The following LRP1B variants were observed in gnomAD, a reference collection of about 807,000 sequenced individuals.
The protein encoded by LRP1B is LDL receptor related protein 1B.
LRP1B carries 217 observed loss-of-function variants against 556.6 expected under a neutral mutation model. That is an observed-to-expected ratio of 0.39 (90% CI 0.35 to 0.44). LRP1B has a LOEUF of 0.44. Among genes scored for constraint, LRP1B ranks in the 20% least tolerant of loss-of-function variants. The pLI, the probability that LRP1B is intolerant of heterozygous loss-of-function variation, is 1.00. For missense variants in LRP1B, 5,053 were observed against 5,620.8 expected (o/e 0.90, Z 3.23); for synonymous variants, 2,047 against 1,865.8 (o/e 1.10, Z -2.50).
In LRP1B at chr2:141,875,591, A is replaced by T. The variant is rs551673032; in HGVS notation, c.83-65190T>A. ...TTCATTACATTAATAATAGTTTGAC[A>T]ATTATTCAATTTCATAAAGTTTAGA... On this transcript the variant is annotated intron_variant, in intron 1 of 90. Coordinates refer to ENST00000389484, the MANE Select transcript of LRP1B (RefSeq NM_018557.3). Among the ~76,000 whole-genome samples, 14 of 152,108 alleles carry T rather than the reference A, an allele frequency of 9.2e-5. No homozygotes were observed. In the South Asian group the frequency reaches 2.9e-3, roughly 31 times the overall value.
chr2:141,183,554 C>T (rs970445176), intron 7 of LRP1B, among the ~76,000 whole-genome samples: 5 of 151,986 alleles, frequency 3.3e-5, no homozygotes, highest in Non-Finnish European at 7.4e-5. Context: ...TGCTCTTGTA[C>T]AGAACAAAGA....
At chr2:141,972,488 G>T (rs1368579448) in intron 1 of LRP1B, among the ~76,000 whole-genome samples, 1 of 151,038 alleles carries the variant, frequency 6.6e-6, no homozygotes, top group African/African-American at 2.4e-5. Context: ...AATTCCACAT[G>T]AAATGAAGGA....
intron 2 of LRP1B, among the ~76,000 whole-genome samples, chr2:141,696,201 C>G (rs1691729406): frequency 6.6e-6 from 1 of 151,790 alleles, no homozygotes; most frequent in Non-Finnish European, 1.5e-5. Context: ...TAAATTGCTA[C>G]TAAAAGTAGG....
At chr2:142,009,079 A>C (rs1368287660) in intron 1 of LRP1B, among the ~76,000 whole-genome samples, 2 of 152,186 alleles carry the variant, frequency 1.3e-5, no homozygotes, top group African/African-American at 2.4e-5. Flanking sequence ...AACTCCAAAA[A>C]GCACACATTC....
chr2:141,846,160 C>A (rs1697636874), intron 1 of LRP1B, among the ~76,000 whole-genome samples: 1 of 150,282 alleles, frequency 6.7e-6, no homozygotes. Context: ...TTTCTGCAAA[C>A]AAGGAAAAAA....
At chr2:140,969,595 G>A (rs1558771617) in intron 18 of LRP1B, among the ~76,000 whole-genome samples, 1 of 152,192 alleles carries the variant, frequency 6.6e-6, no homozygotes, top group Non-Finnish European at 1.5e-5. Flanking sequence ...TTGCTCGTCA[G>A]TTGATGCAGT....
chr2:141,778,713 C>A (rs1695152062), intron 2 of LRP1B, among the ~76,000 whole-genome samples: 1 of 152,192 alleles, frequency 6.6e-6, no homozygotes, highest in South Asian at 2.1e-4. Context: ...TATTTTGCCT[C>A]CTACACACTT....
At position 141,055,132 on chromosome 2, in the gene LRP1B, A is replaced by T. The variant is rs753803877; in HGVS notation, c.1536T>A (p.Asp512Glu). ...ACAACATACTTTTGCATGACCTGCC[A>T]TCACTTCCCAAGTTGAAGCCAGTCC... ...RCRTGFNLGS[D>E]GRSCKRPKNE... Residue 512 changes from aspartate to glutamate, a missense_variant, in exon 10 of 91, where the codon GAT (aspartate) becomes GAA (glutamate). Physicochemically the swap from Asp to Glu is conservative, Grantham distance 45. Coordinates refer to ENST00000389484, the MANE Select transcript of LRP1B (RefSeq NM_018557.3). The T allele has an allele frequency of 6.2e-7, 1 of 1,612,168 alleles. No individual in the cohort carries two copies. Among genetic ancestry groups the T allele is most frequent in the Non-Finnish European group, 8.5e-7 (1 of 1,178,930 alleles).
intron 1 of LRP1B, among the ~76,000 whole-genome samples, chr2:142,084,506 G>C (rs1574666980): frequency 6.6e-6 from 1 of 152,064 alleles, no homozygotes; most frequent in East Asian, 1.9e-4. Context: ...TTCCAATTTA[G>C]ACTTCTCAAA....
intron 84 of LRP1B, among the ~76,000 whole-genome samples, chr2:140,276,832 T>C (rs1461369967): frequency 1.3e-5 from 2 of 151,946 alleles, no homozygotes; most frequent in Non-Finnish European, 2.9e-5. Flanking sequence ...TATTTGCAGA[T>C]GAAAATTCCA....
intron 77 of LRP1B, among the ~76,000 whole-genome samples, chr2:140,340,366 T>C (rs146704931): frequency 6.6e-6 from 1 of 151,708 alleles, no homozygotes; most frequent in East Asian, 1.9e-4. Flanking sequence ...GTTTGAAATA[T>C]TATCCATTCT....
At chr2:140,431,609 C>T (rs1302036504) in intron 66 of LRP1B, among the ~76,000 whole-genome samples, 6 of 152,136 alleles carry the variant, frequency 3.9e-5, no homozygotes, top group East Asian at 3.9e-4. Flanking sequence ...TCTTTGCTGG[C>T]GGGACTATGC....
intron 66 of LRP1B, among the ~76,000 whole-genome samples, chr2:140,438,824 G>A (rs1425786369): frequency 6.6e-6 from 1 of 152,150 alleles, no homozygotes; most frequent in Admixed American, 6.5e-5. Flanking sequence ...ATGAAAGGAT[G>A]CAGGAAAATA....
At chr2:141,291,700 C>CA (rs1401874993) in intron 3 of LRP1B, among the ~76,000 whole-genome samples, 8 of 151,602 alleles carry the variant, frequency 5.3e-5, no homozygotes, top group Non-Finnish European at 8.8e-5. Context: ...ACTGAAAATA[C>CA]AAAAAATTAG....
At chr2:140,351,063 A>G (rs759045350) in intron 76 of LRP1B, 25 bp from the exon 77 acceptor site, 22 of 1,440,286 alleles carry the variant, frequency 1.5e-5, no homozygotes, top group Non-Finnish European at 2.0e-5. Flanking sequence ...AATAAAATAC[A>G]AAAATAAAGT....
intron 22 of LRP1B, among the ~76,000 whole-genome samples, chr2:140,907,214 A>T (rs1316231998): frequency 6.6e-6 from 1 of 152,058 alleles, no homozygotes; most frequent in Non-Finnish European, 1.5e-5. Flanking sequence ...AAACACTTTT[A>T]AAAAATCTCT....
chr2:141,746,524 G>A (rs1057095930), intron 2 of LRP1B, among the ~76,000 whole-genome samples: 2 of 152,048 alleles, frequency 1.3e-5, no homozygotes, highest in African/African-American at 4.8e-5. Flanking sequence ...GCTGGGAGAT[G>A]GGAGAGGGGT....
rs750800532 is a variant in LRP1B at position 140,923,044 on chromosome 2, T to A, written c.3240A>T (p.Glu1080Asp). 1 of 1,613,278 alleles carries A rather than the reference T, an allele frequency of 6.2e-7. No homozygotes were observed. The change falls in exon 21 of 91, where the codon GAA becomes GAT. Residue 1080 changes from glutamate to aspartate, a missense_variant. Glu to Asp is a conservative substitution (Grantham distance 45). Coordinates refer to ENST00000389484, the MANE Select transcript of LRP1B (RefSeq NM_018557.3). ...LWRCDGEKDCEDGSDEKGCNG... is the reference protein window; with the variant it reads ...LWRCDGEKDCDDGSDEKGCNG... Reference sequence around the variant, plus strand: ...TGCAACCTTTTTCATCACTACCATCTTCACAGTCTTTTTCTCCATCACAGC... The same window carrying A: ...TGCAACCTTTTTCATCACTACCATCATCACAGTCTTTTTCTCCATCACAGC...
chr2:141,650,478 CT>C (rs919028482), intron 2 of LRP1B, among the ~76,000 whole-genome samples: 2 of 152,170 alleles, frequency 1.3e-5, no homozygotes, highest in Middle Eastern at 3.4e-3. Context: ...CTTTGAGGGG[CT>C]TTTAAGAAAT....
Sources: gnomAD v4.1 joint callset for allele counts (sites outside exome capture counted in the v4.1 genomes callset) on GRCh38, gnomAD v4.1.1 for gene constraint, MANE v1.5 for transcripts, NCBI Gene and HGNC (gene_info 2026-07-23, HGNC 2026-07-21) for gene names.